The following KIAA1217 variants were observed in gnomAD, a reference collection of about 807,000 sequenced individuals.
KIAA1217 encodes the protein KIAA1217, also known as sickle tail protein homolog.
Under a neutral mutation model 163.9 loss-of-function variants are expected in KIAA1217, and 88 were observed. The ratio of observed to expected loss-of-function variants is 0.54; its 90% CI spans 0.45 to 0.64. The LOEUF (loss-of-function observed/expected upper bound fraction) is 0.64. Ranked by LOEUF, KIAA1217 falls within the 30% of genes least tolerant of loss-of-function variation. The probability of loss-of-function intolerance (pLI) is 0.00; values close to 1 mark genes in which losing one functional copy is unlikely to be tolerated. For missense variants in KIAA1217, 2,372 were observed against 2,475.0 expected (o/e 0.96, Z 0.88); for synonymous variants, 903 against 923.1 (o/e 0.98, Z 0.39).
chr10:23,985,952 C>T (rs1845952682), intron 1 of KIAA1217, among the ~76,000 whole-genome samples: 1 of 152,182 alleles, frequency 6.6e-6, no homozygotes, highest in Non-Finnish European at 1.5e-5. Context: ...TATTCTACTG[C>T]CTTGTGCGTC....
chr10:23,770,792 C>T (rs1834762561), intron 1 of KIAA1217, among the ~76,000 whole-genome samples: 1 of 152,142 alleles, frequency 6.6e-6, no homozygotes, highest in Non-Finnish European at 1.5e-5. Flanking sequence ...CAGTGGCTCT[C>T]CAGGCTTCAC....
At chr10:24,312,970 C>G (rs1293431022) in intron 2 of KIAA1217, among the ~76,000 whole-genome samples, 3 of 151,918 alleles carry the variant, frequency 2.0e-5, no homozygotes. Context: ...TAATACATGC[C>G]AAGCACATAG....
At chr10:24,375,778 T>C (rs987578424) in intron 2 of KIAA1217, among the ~76,000 whole-genome samples, 1 of 152,254 alleles carries the variant, frequency 6.6e-6, no homozygotes, top group Non-Finnish European at 1.5e-5. Flanking sequence ...CACGGCAATG[T>C]TGATTTTTCT....
At chr10:24,475,424 T>C (rs543553912) in intron 6 of KIAA1217, among the ~76,000 whole-genome samples, 1 of 152,258 alleles carries the variant, frequency 6.6e-6, no homozygotes, top group Non-Finnish European at 1.5e-5. Flanking sequence ...TTTAGCACAG[T>C]TTTATTATGA....
At chr10:24,334,446 AGG>A (rs2046084508) in intron 2 of KIAA1217, among the ~76,000 whole-genome samples, 1 of 127,128 alleles carries the variant, frequency 7.9e-6, no homozygotes, top group Non-Finnish European at 1.6e-5. Context: ...GATGGAAGGA[AGG>A]AAGGAAGGAA....
At chr10:23,781,602 G>GTTTGCT (rs1554792460) in intron 1 of KIAA1217, among the ~76,000 whole-genome samples, 1 of 152,128 alleles carries the variant, frequency 6.6e-6, no homozygotes, top group Admixed American at 6.6e-5. Flanking sequence ...TAGTCAACTT[G>GTTTGCT]TTTGCTTTTG....
chr10:24,085,913 C>T lies in KIAA1217; in HGVS notation c.-171+78539C>T, dbSNP rs35440389. Among the ~76,000 whole-genome samples, 1,076 of 151,964 alleles carry T rather than the reference C, an allele frequency of 7.1e-3. 7 individuals are homozygous for T. Among genetic ancestry groups the T allele is most frequent in the Non-Finnish European group, 0.01 (692 of 67,962 alleles). ...ACTTAAGCAGAGGAGGTTGAGGCTG[C>T]GGTGGGCCAAGATTATGCCACTGCA... On this transcript the variant is annotated intron_variant, in intron 2 of 18. Transcript: ENST00000376462.
chr10:24,183,740 G>A (rs1179594246), intron 2 of KIAA1217, among the ~76,000 whole-genome samples: 1 of 152,028 alleles, frequency 6.6e-6, no homozygotes, highest in Admixed American at 6.6e-5. Context: ...ACTAAATCTG[G>A]TTAGACTGAA....
chr10:24,033,158 G>C (rs1439726370), intron 2 of KIAA1217, among the ~76,000 whole-genome samples: 5 of 152,190 alleles, frequency 3.3e-5, no homozygotes, highest in African/African-American at 1.2e-4. Flanking sequence ...GCACAGATGG[G>C]TGACATCATG....
chr10:23,782,970 G>A (rs868229593), intron 1 of KIAA1217, among the ~76,000 whole-genome samples: 4 of 152,098 alleles, frequency 2.6e-5, no homozygotes, highest in Admixed American at 1.3e-4. Context: ...TTAGCTGGAG[G>A]CCTTTCATAA....
chr10:23,734,196 T>C (rs1355372123), intron 1 of KIAA1217, among the ~76,000 whole-genome samples: 1 of 152,188 alleles, frequency 6.6e-6, no homozygotes, highest in Non-Finnish European at 1.5e-5. Flanking sequence ...ACTTATGTTT[T>C]CTTCCCTGCC....
chr10:24,457,942 A>T (rs1210835172), intron 5 of KIAA1217, among the ~76,000 whole-genome samples: 2 of 152,188 alleles, frequency 1.3e-5, no homozygotes, highest in African/African-American at 4.8e-5. Context: ...TGACTTAAAC[A>T]TAGGGATACT....
chr10:24,375,865 A>G (rs1157318419), intron 2 of KIAA1217, among the ~76,000 whole-genome samples: 1 of 152,224 alleles, frequency 6.6e-6, no homozygotes, highest in African/African-American at 2.4e-5. Context: ...GGCAATTAAC[A>G]TATTACGTAA....
At chr10:23,803,348 A>G (rs1032002278) in intron 1 of KIAA1217, among the ~76,000 whole-genome samples, 3 of 152,104 alleles carry the variant, frequency 2.0e-5, no homozygotes, top group African/African-American at 7.2e-5. Context: ...ATCCCTGAGC[A>G]TTTGCCTCCC....
intron 2 of KIAA1217, among the ~76,000 whole-genome samples, chr10:24,259,909 A>G (rs1288069294): frequency 6.6e-6 from 1 of 152,162 alleles, no homozygotes; most frequent in Non-Finnish European, 1.5e-5. Context: ...GTGGAACTGG[A>G]TTCTGAAATG....
rs1434540568 is a variant in KIAA1217, at chr10:24,227,163, T to TTA, written c.354+7256_354+7257dup. On this transcript the variant is annotated intron_variant, in intron 2 of 20. Coordinates refer to ENST00000376454, the MANE Select transcript of KIAA1217 (RefSeq NM_019590.5). Reference sequence around the variant, plus strand: ...AAAGGGATTATTATTATTATTATTATTATCATTATTTTGAGACAGAGTCTC... The same window carrying TTA: ...AAAGGGATTATTATTATTATTATTATTATATCATTATTTTGAGACAGAGTCTC... Among the ~76,000 whole-genome samples, 17 of 151,054 alleles carry TTA rather than the reference T, an allele frequency of 1.1e-4. 1 individual carries two copies. In the East Asian group the frequency reaches 3.1e-3, roughly 28 times the overall value.
chr10:24,414,610 A>G (rs1212669244), intron 3 of KIAA1217, among the ~76,000 whole-genome samples: 1 of 152,150 alleles, frequency 6.6e-6, no homozygotes, highest in East Asian at 1.9e-4. Flanking sequence ...GAGAAAGGTG[A>G]TTTATGGTGA....
chr10:24,128,517 G>T (rs1447670178), intron 2 of KIAA1217, among the ~76,000 whole-genome samples: 1 of 152,208 alleles, frequency 6.6e-6, no homozygotes, highest in Non-Finnish European at 1.5e-5. Context: ...CGCTGCTTTT[G>T]TTGATCCTGT....
At chr10:24,327,189 G>GT (rs2045034778) in intron 2 of KIAA1217, among the ~76,000 whole-genome samples, 1 of 152,166 alleles carries the variant, frequency 6.6e-6, no homozygotes, top group African/African-American at 2.4e-5. Flanking sequence ...TATGGTCAGT[G>GT]TTTTGGAAAG....
Sources: gnomAD v4.1 joint callset for allele counts (sites outside exome capture counted in the v4.1 genomes callset) on GRCh38, gnomAD v4.1.1 for gene constraint, MANE v1.5 for transcripts, NCBI Gene and HGNC (gene_info 2026-07-23, HGNC 2026-07-21) for gene names.